PIGN: variants seen among roughly 807,000 people sequenced by gnomAD.
PIGN encodes the protein phosphatidylinositol glycan anchor biosynthesis class N.
Under a neutral mutation model 125.4 loss-of-function variants are expected in PIGN, and 117 were observed. The observed-to-expected ratio is 0.93, with a 90% confidence interval of 0.80 to 1.09. PIGN has a LOEUF of 1.09. Ranked by LOEUF, PIGN falls within the 50% of genes least tolerant of loss-of-function variation. The probability of loss-of-function intolerance (pLI) is 0.00; values close to 1 mark genes in which losing one functional copy is unlikely to be tolerated. For missense variants in PIGN, 1,075 were observed against 1,094.9 expected (o/e 0.98, Z 0.26); for synonymous variants, 392 against 377.8 (o/e 1.04, Z -0.44).
chr18:62,139,327 A>G (rs2036053493), intron 12 of PIGN, among the ~76,000 whole-genome samples: 1 of 152,258 alleles, frequency 6.6e-6, no homozygotes, highest in African/African-American at 2.4e-5. Context: ...GCTGAGAGAT[A>G]ACTACGTGCT....
At chr18:62,106,732 CAT>C (rs1251587196) in intron 19 of PIGN, 55 bp downstream of exon 19, 35 of 1,081,670 alleles carry the variant, frequency 3.2e-5, no homozygotes, top group Admixed American at 8.7e-5. Flanking sequence ...TTGAGTTACA[CAT>C]GTGTCAAAAC....
intron 23 of PIGN, among the ~76,000 whole-genome samples, chr18:62,019,229 C>A (rs1694462249): frequency 6.6e-6 from 1 of 152,172 alleles, no homozygotes; most frequent in South Asian, 2.1e-4. Context: ...CTCCCACGTC[C>A]CTTCATTCCA....
At chr18:62,046,317 A>C (rs1249503511) in intron 30 of PIGN, among the ~76,000 whole-genome samples, 1 of 151,862 alleles carries the variant, frequency 6.6e-6, no homozygotes, top group Non-Finnish European at 1.5e-5. Context: ...AACCTCAGGC[A>C]GTGGACTGGT....
chr18:62,155,152 G>T (rs1012876356), intron 6 of PIGN, among the ~76,000 whole-genome samples: 1 of 152,096 alleles, frequency 6.6e-6, no homozygotes, highest in African/African-American at 2.4e-5. Context: ...AATAAATATT[G>T]CTTATTGCCA....
In PIGN at chr18:62,157,701, C is replaced by A. The variant is rs746450459; in HGVS notation, c.329G>T (p.Ser110Ile). The A allele has an allele frequency of 1.2e-6, 2 of 1,611,074 alleles. No homozygotes were observed. The highest frequency in any genetic ancestry group is 4.5e-5 in the East Asian group (2 of 44,846). ...ALIAGFYEDV[S>I]AVAKGWKENP... The stretch of plus-strand genomic sequence containing the variant: ...ATAGACAATACCTTTGGCAACTGCA[C>A]TGACATCTTCATAAAACCCAGCTAT... Residue 110 changes from serine (S) to isoleucine (I), a missense_variant, in exon 5 of 31, where the codon AGT becomes ATT. Coordinates refer to ENST00000640252, the MANE Select transcript of PIGN (RefSeq NM_176787.5).
chr18:62,082,826 C>T (rs1599475967), intron 27 of PIGN, 80 bp from the exon 28 acceptor site: 2 of 757,432 alleles, frequency 2.6e-6, no homozygotes, highest in East Asian at 5.5e-5. Context: ...TTTCTGCTTA[C>T]AGAAATATTT....
intron 14 of PIGN, among the ~76,000 whole-genome samples, chr18:62,120,306 A>T (rs1203966563): frequency 9.2e-5 from 14 of 152,226 alleles, no homozygotes; most frequent in Admixed American, 9.2e-4. Flanking sequence ...TAAGTTTCTG[A>T]AAGAAAATAA....
At chr18:62,077,429 T>C (rs1223491382) in intron 28 of PIGN, among the ~76,000 whole-genome samples, 2 of 152,196 alleles carry the variant, frequency 1.3e-5, no homozygotes, top group Admixed American at 1.3e-4. Context: ...CATACCTTTT[T>C]TAAAAAGTTT....
At chr18:62,055,088 G>A (rs1475063339) in intron 30 of PIGN, among the ~76,000 whole-genome samples, 2 of 152,282 alleles carry the variant, frequency 1.3e-5, no homozygotes, top group East Asian at 3.9e-4. Context: ...GACAGTCTCT[G>A]GTACAACCAC....
rs2033932544 is a variant in PIGN, at chr18:62,091,038, C to T, written c.2181-460G>A. ...GGAAATGAAAACAATGGTGATATAT[C>T]ATATTTGCCAATATTAAAACAACAG... On this transcript the variant is annotated intron_variant, in intron 23 of 30. Transcript: ENST00000640252. Among the ~76,000 whole-genome samples, 4 of 152,170 alleles carry T rather than the reference C, an allele frequency of 2.6e-5. No individual in the cohort carries two copies. The South Asian group carries it at 8.3e-4, about 32-fold the overall frequency.
In PIGN at chr18:62,041,641, GT is replaced by G. The variant is rs771962985; in HGVS notation, c.*4214del. 0.28 allele frequency: 6,642 copies of G among 24,126 alleles called. 309 individuals carry two copies. Among genetic ancestry groups the G allele is most frequent in the Middle Eastern group, 0.34 (20 of 58 alleles). 1.5% of individuals were successfully genotyped at this position (24,126 alleles called of 1,614,324 possible). On this transcript the variant is annotated 3_prime_UTR_variant, in exon 31 of 31. Transcript: ENST00000640252. ...TTACAGGAGCCTACCACCCCGCCGG[GT>G]GTGTGTGTGTGTGTGTGTGTGTGTG...
At chr18:62,152,839 T>A (rs2036585887) in intron 7 of PIGN, among the ~76,000 whole-genome samples, 1 of 149,342 alleles carries the variant, frequency 6.7e-6, no homozygotes, top group Non-Finnish European at 1.5e-5. Context: ...AGACAGTAAA[T>A]TCTGTATTTT....
rs1287655964 is a variant in PIGN at position 62,072,672 on chromosome 18, C to A, written c.2672+1G>T. 6.2e-7 allele frequency: 1 copy of A among 1,604,182 alleles called. No homozygotes were observed. The highest frequency in any genetic ancestry group is 1.3e-5 in the African/African-American group (1 of 74,472). On this transcript the variant is annotated splice_donor_variant, in intron 30 of 30. Transcript: ENST00000640252. LOFTEE classifies it high-confidence loss of function. Reference sequence around the variant, plus strand: ...GCAATGCATGACCATATATACTATACCTTGTCCCAATATCAAGCCAGCTGC... The same window carrying A: ...GCAATGCATGACCATATATACTATAACTTGTCCCAATATCAAGCCAGCTGC...
intron 30 of PIGN, among the ~76,000 whole-genome samples, chr18:62,049,016 T>C (rs1469950879): frequency 1.3e-5 from 2 of 152,104 alleles, no homozygotes; most frequent in East Asian, 3.8e-4. Context: ...TCCATGTCCC[T>C]ACAAAGGACA....
chr18:62,073,976 G>A (rs1414178976), intron 29 of PIGN, among the ~76,000 whole-genome samples: 4 of 152,180 alleles, frequency 2.6e-5, no homozygotes, highest in Non-Finnish European at 5.9e-5. Context: ...TCCCCAGAAG[G>A]GATTAAAGGT....
At chr18:62,093,627 T>A (rs1051686938) in intron 23 of PIGN, among the ~76,000 whole-genome samples, 1 of 152,134 alleles carries the variant, frequency 6.6e-6, no homozygotes, top group Non-Finnish European at 1.5e-5. Context: ...TCCATTTGCA[T>A]AAAAATAATT....
chr18:62,114,567 A>G lies in PIGN; in HGVS notation c.1245T>C (p.Asp415=), dbSNP rs13381627. The G allele has an allele frequency of 0.22, 326,589 of 1,505,156 alleles. 39,443 individuals are homozygous for G. Among genetic ancestry groups the G allele is most frequent in the Non-Finnish European group, 0.25 (272,684 of 1,105,280 alleles). The allele number at this position is 1,505,156 out of a possible 1,614,324, so 93.2% of individuals were successfully genotyped here. A position where few individuals can be genotyped will look rare whatever the true frequency, so the allele number is the denominator to read the frequency against. The change falls in exon 15 of 31, where the codon GAT becomes GAC. Residue 415 remains aspartate, a synonymous_variant. Coordinates refer to ENST00000640252, the MANE Select transcript of PIGN (RefSeq NM_176787.5). ...ATAAGGCCGGTATACTTACCACTTC[A>G]TCAAACTTTCTGTGTTTTATATAAG... ...ARSYIKHRKF[D]EVVSLCKELI... is the part of the protein sequence containing the mutation.
intron 7 of PIGN, among the ~76,000 whole-genome samples, chr18:62,150,287 G>C (rs2036481709): frequency 6.6e-6 from 1 of 152,112 alleles, no homozygotes; most frequent in African/African-American, 2.4e-5. Context: ...CCCAGCCTCT[G>C]ATAGGGTTTA....
At chr18:62,021,154 A>G (rs2030050594) in intron 23 of PIGN, among the ~76,000 whole-genome samples, 1 of 152,196 alleles carries the variant, frequency 6.6e-6, no homozygotes, top group African/African-American at 2.4e-5. Context: ...CTAGGTATTT[A>G]CCCAAGAGAA....
Sources: allele counts gnomAD v4.1 joint callset (sites outside exome capture counted in the v4.1 genomes callset), GRCh38; gene constraint gnomAD v4.1.1; transcripts MANE v1.5; gene names NCBI Gene and HGNC (gene_info 2026-07-23, HGNC 2026-07-21).